Variants in GNAO1 observed in about 807,000 individuals in gnomAD.
GNAO1 encodes G protein subunit alpha o1, also known as guanine nucleotide-binding protein G(o) subunit alpha.
For missense variants in GNAO1, 166 were observed against 478.7 expected (o/e 0.35, Z 6.10); for synonymous variants, 164 against 180.7 (o/e 0.91, Z 0.74).
At chr16:56,255,234 C>T (rs536022246) in intron 2 of GNAO1, among the ~76,000 whole-genome samples, 27 of 152,296 alleles carry the variant, frequency 1.8e-4, no homozygotes, top group African/African-American at 6.0e-4. Context: ...AGGTGTGTGG[C>T]AATCTTCCTT....
intron 3 of GNAO1, among the ~76,000 whole-genome samples, chr16:56,291,315 G>A (rs955617393): frequency 3.9e-5 from 6 of 152,092 alleles, no homozygotes; most frequent in Admixed American, 3.9e-4. Context: ...CCATCCTCGT[G>A]GCTATAACTC....
At chr16:56,300,036 T>TGTGTGTGTGTGTGTGTGTGC (rs753591618) in intron 3 of GNAO1, among the ~76,000 whole-genome samples, 52 of 95,174 alleles carry the variant, frequency 5.5e-4, no homozygotes, top group African/African-American at 1.7e-3. Context: ...TGTGTGTGTG[T>TGTGTGTGTGTGTGTGTGTGC]GCGCGCGCGC....
At chr16:56,338,040 G>A (rs577383560) in intron 6 of GNAO1, among the ~76,000 whole-genome samples, 76 of 152,270 alleles carry the variant, frequency 5.0e-4, no homozygotes, top group African/African-American at 1.8e-3. Context: ...CCTCTCTCTG[G>A]GTCTGTTTCC....
intron 2 of GNAO1, among the ~76,000 whole-genome samples, chr16:56,223,108 C>T (rs2036505881): frequency 6.6e-6 from 1 of 152,186 alleles, no homozygotes; most frequent in East Asian, 1.9e-4. Flanking sequence ...GTCAGAAGCC[C>T]CATTCAAGTT....
intron 6 of GNAO1, among the ~76,000 whole-genome samples, chr16:56,338,534 C>T (rs1179685744): frequency 3.3e-5 from 5 of 152,364 alleles, no homozygotes; most frequent in African/African-American, 1.2e-4. Context: ...CTGAGCTCCA[C>T]TTGGCTCATC....
intron 4 of GNAO1, among the ~76,000 whole-genome samples, chr16:56,334,494 C>T (rs575526605): frequency 1.5e-4 from 23 of 152,250 alleles, no homozygotes; most frequent in East Asian, 7.7e-4. Context: ...CTGAGTGTCC[C>T]GGGAGCTGCA....
At chr16:56,227,656 C>G (rs773546808) in intron 2 of GNAO1, among the ~76,000 whole-genome samples, 6 of 122,968 alleles carry the variant, frequency 4.9e-5, no homozygotes, top group Non-Finnish European at 9.5e-5. Flanking sequence ...CCATTATGCT[C>G]TAGCCTGAGT....
intron 2 of GNAO1, among the ~76,000 whole-genome samples, chr16:56,212,693 A>C (rs1304550946): frequency 6.6e-6 from 1 of 152,232 alleles, no homozygotes; most frequent in Non-Finnish European, 1.5e-5. Context: ...TAAGTATGTA[A>C]AAATGAATTG....
intron 6 of GNAO1, among the ~76,000 whole-genome samples, chr16:56,342,082 C>T (rs2037810885): frequency 6.6e-6 from 1 of 152,196 alleles, no homozygotes; most frequent in South Asian, 2.1e-4. Flanking sequence ...GGCTCAGCCT[C>T]CCTGGAAGCT....
At chr16:56,298,632 G>T (rs1282354154) in intron 3 of GNAO1, among the ~76,000 whole-genome samples, 1 of 152,092 alleles carries the variant, frequency 6.6e-6, no homozygotes, top group Non-Finnish European at 1.5e-5. Flanking sequence ...AGTTAATTAG[G>T]CTGGGCACGA....
At chr16:56,331,668 G>A (rs188190175) in intron 4 of GNAO1, among the ~76,000 whole-genome samples, 4 of 152,292 alleles carry the variant, frequency 2.6e-5, no homozygotes, top group African/African-American at 9.6e-5. Context: ...TCTGCTGGGG[G>A]CTGCTGTATC....
intron 2 of GNAO1, chr16:56,194,249 C>T (rs958283923): frequency 4.4e-6 from 2 of 456,596 alleles, no homozygotes; most frequent in Non-Finnish European, 8.8e-6. Flanking sequence ...TTCTCTTGAG[C>T]TTGTGCAACC....
chr16:56,325,480 TTAA>T (rs1369465734), intron 3 of GNAO1, among the ~76,000 whole-genome samples: 6 of 152,050 alleles, frequency 3.9e-5, no homozygotes, highest in Admixed American at 6.6e-5. Context: ...CCATCTCAAA[TTAA>T]TAATAATAAT....
intron 2 of GNAO1, among the ~76,000 whole-genome samples, chr16:56,253,232 T>A (rs2036815992): frequency 6.6e-6 from 1 of 152,130 alleles, no homozygotes; most frequent in Non-Finnish European, 1.5e-5. Flanking sequence ...CCCTCCTCGT[T>A]CCTCCATCTC....
intron 3 of GNAO1, among the ~76,000 whole-genome samples, chr16:56,290,380 G>A (rs900902680): frequency 1.3e-5 from 2 of 152,348 alleles, no homozygotes; most frequent in Middle Eastern, 3.4e-3. Flanking sequence ...ACAGTGCCTG[G>A]CCCAGAATTG....
At chr16:56,340,687 C>CGTCTCCGTCCTGGTG (rs1430205951) in intron 6 of GNAO1, 3 of 712,466 alleles carry the variant, frequency 4.2e-6, no homozygotes, top group African/African-American at 3.5e-5. Context: ...TGGGTCCTCC[C>CGTCTCCGTCCTGGTG]GTCTCCGTCC....
rs2037951401 is a variant in GNAO1 at position 56,354,545 on chromosome 16, ACG to A, written c.878-317_878-316del. On this transcript the variant is annotated intron_variant, in intron 7 of 8. Coordinates refer to ENST00000262493, the MANE Select transcript of GNAO1 (RefSeq NM_020988.3). This position sits in a 1 kb window ranked among gnomAD's most constrained non-coding sequence, Gnocchi z 4.3. ...ACAAAAATTAGCTGGGCGTGGTGGC[ACG>A]CGCCTGTATTACCAGCTACTCAGGA... is the stretch of plus-strand genomic sequence containing the variant. Among the ~76,000 whole-genome samples the A allele has an allele frequency of 6.6e-6, 1 of 152,134 alleles. No individual in the cohort carries two copies. Among genetic ancestry groups the A allele is most frequent in the Non-Finnish European group, 1.5e-5 (1 of 68,020 alleles).
intron 3 of GNAO1, among the ~76,000 whole-genome samples, chr16:56,310,899 C>G (rs968119480): frequency 2.0e-5 from 3 of 152,050 alleles, no homozygotes; most frequent in Admixed American, 2.0e-4. Context: ...ACCACCACCC[C>G]CTAGGATTTT....
chr16:56,240,967 G>A (rs1332800360), intron 2 of GNAO1, among the ~76,000 whole-genome samples: 1 of 152,196 alleles, frequency 6.6e-6, no homozygotes, highest in Non-Finnish European at 1.5e-5. Context: ...CCTCCACAGG[G>A]AAGAGTGCTC....
Sources: allele counts gnomAD v4.1 joint callset (sites outside exome capture counted in the v4.1 genomes callset), GRCh38; gene constraint gnomAD v4.1.1; non-coding constraint Gnocchi (gnomAD v3.1); transcripts MANE v1.5; gene names NCBI Gene and HGNC (gene_info 2026-07-23, HGNC 2026-07-21).